The following ARHGAP18 variants were observed in gnomAD, a reference collection of about 807,000 sequenced individuals.
ARHGAP18 encodes the protein Rho GTPase activating protein 18.
A neutral mutation model predicts 86.2 loss-of-function variants in ARHGAP18; 67 were observed. That is an observed-to-expected ratio of 0.78 (90% CI 0.64 to 0.95). The LOEUF is 0.95. Ranked by LOEUF, ARHGAP18 falls within the 40% of genes least tolerant of loss-of-function variation. The probability of loss-of-function intolerance (pLI) is 0.00; values close to 1 mark genes in which losing one functional copy is unlikely to be tolerated. For synonymous variants in ARHGAP18, 283 were observed against 280.4 expected (o/e 1.01, Z -0.09); for missense variants, 691 against 780.4 (o/e 0.89, Z 1.37).
Position 129,580,053 on chromosome 6 carries a change from GA to G in ARHGAP18, c.1900+16del, listed in dbSNP as rs202176182. The G allele has an allele frequency of 5.1e-5, 82 of 1,596,468 alleles. No individual in the cohort carries two copies. The highest frequency in any genetic ancestry group is 2.2e-4 in the African/African-American group (16 of 74,368). On this transcript the variant is annotated intron_variant, in intron 14 of 14. Transcript: ENST00000368149. The stretch of plus-strand genomic sequence containing the variant: ...CAAAACAGCATATAAAATGTAAAGA[GA>G]AAAAAAAGTGCTTACCAATATTTCC...
At chr6:129,613,255 G>GA in intron 7 of ARHGAP18, among the ~76,000 whole-genome samples, 1 of 144,342 alleles carries the variant, frequency 6.9e-6, no homozygotes. Flanking sequence ...AAAAAGAAAA[G>GA]AAAAAAAATT....
rs1176564466 is a variant in ARHGAP18, at chr6:129,638,556, T to C, written c.390A>G (p.Pro130=). Residue 130 remains proline, a synonymous_variant, in exon 3 of 15, where the codon CCA becomes CCG. Coordinates refer to ENST00000368149, the MANE Select transcript of ARHGAP18 (RefSeq NM_033515.3). ...TTGATAAAAACACAATGCTTTCCTGTGGATCTCCAGCAGACTCTCCGAAGA... is the reference window on the plus strand; with the variant it reads ...TTGATAAAAACACAATGCTTTCCTGCGGATCTCCAGCAGACTCTCCGAAGA... ...SNLFGESAGD[P]QESIVFLSTL... The C allele has an allele frequency of 2.9e-5, 47 of 1,614,078 alleles. No homozygotes were observed. Among genetic ancestry groups the C allele is most frequent in the Non-Finnish European group, 3.8e-5 (45 of 1,180,038 alleles).
chr6:129,606,397 A>G (rs1743223834), intron 9 of ARHGAP18, among the ~76,000 whole-genome samples: 1 of 152,216 alleles, frequency 6.6e-6, no homozygotes, highest in Admixed American at 6.5e-5. Flanking sequence ...CAACAGGAAT[A>G]TGTAAAATAG....
intron 12 of ARHGAP18, 53 bp from the exon 13 acceptor site, chr6:129,584,165 A>T: frequency 1.9e-6 from 3 of 1,609,010 alleles, no homozygotes; most frequent in Non-Finnish European, 2.5e-6. Flanking sequence ...GGAACGTGTA[A>T]CTCTACAATG....
Position 129,578,703 on chromosome 6 carries a change from A to G in ARHGAP18, c.1901-99T>C, listed in dbSNP as rs997268124. ...ATTTAACTCTTAAGTCTTGGACTTC[A>G]AAATACTTATTCTACTTTGGGAGGC... On this transcript the variant is annotated intron_variant, in intron 14 of 14. Transcript: ENST00000368149. The G allele has an allele frequency of 1.0e-5, 10 of 988,076 alleles. No individual in the cohort carries two copies. The African/African-American group carries it at 1.6e-4, about 16-fold the overall frequency. 61.2% of individuals were successfully genotyped at this position (988,076 alleles called of 1,614,324 possible). A position where few individuals can be genotyped will look rare whatever the true frequency, so the allele number is the denominator to read the frequency against.
intron 1 of ARHGAP18, among the ~76,000 whole-genome samples, chr6:129,679,410 C>G (rs1189289059): frequency 1.3e-5 from 2 of 152,152 alleles, no homozygotes; most frequent in East Asian, 1.9e-4. Context: ...AGATTGGAGT[C>G]CTGATTTCTA....
Position 129,629,471 on chromosome 6 carries a change from G to T in ARHGAP18, c.668C>A (p.Thr223Lys). The change falls in exon 5 of 15, where the codon ACG (threonine) becomes AAG (lysine). Residue 223 changes from threonine to lysine, a missense_variant. Thr to Lys is a moderately conservative substitution (Grantham distance 78, BLOSUM62 -1). Coordinates refer to ENST00000368149, the MANE Select transcript of ARHGAP18 (RefSeq NM_033515.3). ...GTTGATGTCTGTTTCAGGGGCAGGC[G>T]TCTCCTCAGGTGGGATCAGCTTCTC... ...GEEKLIPPEETPAPETDINLE... is the reference protein window; with the variant it reads ...GEEKLIPPEEKPAPETDINLE... The T allele has an allele frequency of 1.2e-6, 2 of 1,613,762 alleles. No homozygotes were observed. The highest frequency in any genetic ancestry group is 1.7e-6 in the Non-Finnish European group (2 of 1,179,898).
At chr6:129,647,411 T>G (rs1773603157) in intron 1 of ARHGAP18, among the ~76,000 whole-genome samples, 1 of 152,222 alleles carries the variant, frequency 6.6e-6, no homozygotes, top group Admixed American at 6.5e-5. Context: ...TGATGCTTTC[T>G]ATCCAGTCTG....
chr6:129,645,538 A>AT (rs1271492262), intron 1 of ARHGAP18, among the ~76,000 whole-genome samples: 5 of 152,150 alleles, frequency 3.3e-5, no homozygotes, highest in African/African-American at 1.2e-4. Context: ...GCAAGCAATT[A>AT]TTCCAAGTTC....
intron 6 of ARHGAP18, 100 bp from the exon 7 acceptor site, chr6:129,616,403 A>C: frequency 1.1e-6 from 1 of 929,206 alleles, no homozygotes. Context: ...CGATCAGACA[A>C]CTATTTATTT....
intron 1 of ARHGAP18, among the ~76,000 whole-genome samples, chr6:129,652,460 AG>A (rs1773735580): frequency 6.6e-6 from 1 of 152,244 alleles, no homozygotes; most frequent in Admixed American, 6.5e-5. Context: ...AGACATTTTC[AG>A]GGATGAAATG....
chr6:129,625,735 TTATA>T (rs1171519078), intron 5 of ARHGAP18, among the ~76,000 whole-genome samples: 1 of 18,020 alleles, frequency 5.5e-5, no homozygotes, highest in Non-Finnish European at 9.2e-5. Context: ...TATATATTTA[TTATA>T]TATTTATATA....
intron 8 of ARHGAP18, among the ~76,000 whole-genome samples, chr6:129,610,253 C>G (rs1788948909): frequency 6.6e-6 from 1 of 152,206 alleles, no homozygotes; most frequent in Non-Finnish European, 1.5e-5. Flanking sequence ...ATTTAAATCC[C>G]CTGAGGGGAT....
At position 129,584,100 on chromosome 6, in the gene ARHGAP18, G is replaced by A. The variant is rs932045080; in HGVS notation, c.1726C>T (p.Gln576Ter). Reference sequence around the variant, plus strand: ...GGAGCTTGCACTCGAATCACTCCCTGAGGAACGTCAGCCTGCAAAGCAATA... The same window carrying A: ...GGAGCTTGCACTCGAATCACTCCCTAAGGAACGTCAGCCTGCAAAGCAATA... ...DKSTNDADVP[Q>*]GVIRVQAPHL... is the part of the protein sequence containing the mutation. The change falls in exon 13 of 15, where the codon CAG becomes TAG. Residue 576 changes from glutamine (Q) to a stop codon, truncating the protein, a stop_gained. Coordinates refer to ENST00000368149, the MANE Select transcript of ARHGAP18 (RefSeq NM_033515.3). LOFTEE classifies it high-confidence loss of function. The A allele has an allele frequency of 3.1e-6, 5 of 1,613,484 alleles. No homozygotes were observed. Among genetic ancestry groups the A allele is most frequent in the Non-Finnish European group, 3.4e-6 (4 of 1,179,734 alleles).
At chr6:129,670,562 A>T (rs1049166261) in intron 1 of ARHGAP18, among the ~76,000 whole-genome samples, 8 of 152,160 alleles carry the variant, frequency 5.3e-5, no homozygotes, top group African/African-American at 1.7e-4. Context: ...TAAAAGCAAA[A>T]CAAACTGCCT....
intron 8 of ARHGAP18, among the ~76,000 whole-genome samples, chr6:129,608,401 G>A (rs9375637): frequency 0.064 from 9,678 of 151,622 alleles, 326 homozygotes; most frequent in East Asian, 0.13. Context: ...ATAAATCTTC[G>A]TTAAATTAAG....
chr6:129,581,248 A>G (rs1488138673), intron 13 of ARHGAP18, among the ~76,000 whole-genome samples: 1 of 152,144 alleles, frequency 6.6e-6, no homozygotes, highest in Non-Finnish European at 1.5e-5. Flanking sequence ...GGAATGGCTC[A>G]TCTGGTTCTC....
chr6:129,664,218 C>T (rs1774001266), intron 1 of ARHGAP18, among the ~76,000 whole-genome samples: 3 of 152,216 alleles, frequency 2.0e-5, no homozygotes. Flanking sequence ...CCAAATAGGG[C>T]TTGCTTTATC....
chr6:129,604,643 C>A (rs1174671322), intron 10 of ARHGAP18, among the ~76,000 whole-genome samples: 31 of 152,260 alleles, frequency 2.0e-4, no homozygotes, highest in African/African-American at 7.5e-4. Flanking sequence ...CACACACTTA[C>A]ACAGTAGCCC....
Sources: gnomAD v4.1 joint callset for allele counts (sites outside exome capture counted in the v4.1 genomes callset) on GRCh38, gnomAD v4.1.1 for gene constraint, MANE v1.5 for transcripts, NCBI Gene and HGNC (gene_info 2026-07-23, HGNC 2026-07-21) for gene names.